Variants in RASEF observed in about 807,000 individuals in gnomAD.
RASEF encodes the protein ras and EF-hand domain-containing protein.
A neutral mutation model predicts 90.1 loss-of-function variants in RASEF; 68 were observed. The ratio of observed to expected loss-of-function variants is 0.75; its 90% confidence interval spans 0.62 to 0.92. RASEF has a LOEUF of 0.92. Among genes scored for constraint, RASEF ranks in the 40% least tolerant of loss-of-function variants. The probability of loss-of-function intolerance (pLI) is 0.00; values close to 1 mark genes in which losing one functional copy is unlikely to be tolerated. For missense variants in RASEF, 949 were observed against 937.2 expected (o/e 1.01, Z -0.16); for synonymous variants, 331 against 345.2 (o/e 0.96, Z 0.46).
At chr9:83,082,365 G>A in the RASEF span, among the ~76,000 whole-genome samples, 201 of 152,268 alleles carry the variant, frequency 1.3e-3, no homozygotes, top group Non-Finnish European at 2.6e-3. Flanking sequence ...GGTTCTAGCT[G>A]AATAACAACG....
the RASEF span, among the ~76,000 whole-genome samples, chr9:83,145,047 AG>A: frequency 6.6e-6 from 1 of 152,190 alleles, no homozygotes; most frequent in Admixed American, 6.6e-5. Context: ...TTGTTTAAAA[AG>A]TTTTTTAATT....
intron 1 of RASEF, chr9:83,048,913 G>A: frequency 3.8e-6 from 1 of 262,564 alleles, no homozygotes; most frequent in South Asian, 1.4e-4. Flanking sequence ...CGGATCACCT[G>A]AGTCCAGGAG....
rs1417601834 is a variant in RASEF at position 82,998,459 on chromosome 9, G to A, written c.1724-13C>T. 6.5e-7 allele frequency: 1 copy of A among 1,536,440 alleles called. No homozygotes were observed. The highest frequency in any genetic ancestry group is 9.0e-7 in the Non-Finnish European group (1 of 1,109,520). On this transcript the variant is annotated splice_polypyrimidine_tract_variant and intron_variant, in intron 12 of 16. Coordinates refer to ENST00000376447, the MANE Select transcript of RASEF (RefSeq NM_152573.4). ...TGGAAATCAACTCCTGAAAAGGAAT[G>A]TGAGAGTGGAGAGCACGATGTAAAT...
chr9:83,130,842 G>C, the RASEF span, among the ~76,000 whole-genome samples: 6 of 152,292 alleles, frequency 3.9e-5, no homozygotes, highest in South Asian at 1.2e-3. Flanking sequence ...CAAATACCCA[G>C]GTTGTCCTAG....
chr9:83,118,690 T>G, the RASEF span, among the ~76,000 whole-genome samples: 1 of 152,188 alleles, frequency 6.6e-6, no homozygotes, highest in African/African-American at 2.4e-5. Flanking sequence ...CTAAGCCATA[T>G]AGTTTCTTAT....
At chr9:83,071,851 A>C in the RASEF span, among the ~76,000 whole-genome samples, 4 of 152,176 alleles carry the variant, frequency 2.6e-5, no homozygotes, top group Non-Finnish European at 5.9e-5. Context: ...TTAAGGATGA[A>C]TATTCAATGA....
At chr9:83,087,405 T>TTCTCTCCCTCTC in the RASEF span, among the ~76,000 whole-genome samples, 1 of 115,532 alleles carries the variant, frequency 8.7e-6, no homozygotes, top group African/African-American at 3.3e-5. Flanking sequence ...TTCTCATTCA[T>TTCTCTCCCTCTC]TCTCTCTCTC....
chr9:83,143,986 A>C, the RASEF span, among the ~76,000 whole-genome samples: 1 of 152,100 alleles, frequency 6.6e-6, no homozygotes, highest in Non-Finnish European at 1.5e-5. Context: ...AAAGAATGAA[A>C]TCCTGTCCTT....
At chr9:83,105,320 G>GA in the RASEF span, among the ~76,000 whole-genome samples, 3 of 151,926 alleles carry the variant, frequency 2.0e-5, no homozygotes, top group African/African-American at 4.8e-5. Flanking sequence ...TGTTAAAAGT[G>GA]AAAAAAATAA....
the RASEF span, among the ~76,000 whole-genome samples, chr9:83,100,587 G>C: frequency 6.6e-6 from 1 of 152,278 alleles, no homozygotes; most frequent in South Asian, 2.1e-4. Context: ...TTTGGAAGGA[G>C]AAGTATACCC....
intron 1 of RASEF, among the ~76,000 whole-genome samples, chr9:83,043,242 T>C (rs191271354): frequency 3.9e-5 from 6 of 152,314 alleles, no homozygotes; most frequent in Admixed American, 3.3e-4. Flanking sequence ...CACTGTGGAA[T>C]AGACTACATC....
At chr9:83,079,662 G>A in the RASEF span, among the ~76,000 whole-genome samples, 2 of 151,936 alleles carry the variant, frequency 1.3e-5, no homozygotes, top group Non-Finnish European at 2.9e-5. Context: ...ACAGCCTTGC[G>A]ATATGATGAT....
chr9:83,142,527 G>A, the RASEF span, among the ~76,000 whole-genome samples: 3 of 152,188 alleles, frequency 2.0e-5, no homozygotes, highest in Admixed American at 6.5e-5. Flanking sequence ...TATCTTCAGT[G>A]ACAGGCAAGT....
the RASEF span, among the ~76,000 whole-genome samples, chr9:83,093,265 G>A: frequency 6.6e-6 from 1 of 152,244 alleles, no homozygotes; most frequent in South Asian, 2.1e-4. Flanking sequence ...GGCTGCAGGT[G>A]GAGCTGCCTG....
intron 3 of RASEF, among the ~76,000 whole-genome samples, chr9:83,017,101 A>G (rs1306341028): frequency 6.6e-6 from 1 of 152,156 alleles, no homozygotes; most frequent in East Asian, 1.9e-4. Context: ...CTAATGAGGC[A>G]GCCTTCCTGG....
the RASEF span, among the ~76,000 whole-genome samples, chr9:83,217,161 T>C: frequency 1.3e-5 from 2 of 152,084 alleles, no homozygotes; most frequent in Non-Finnish European, 2.9e-5. Flanking sequence ...GGCCAGTTTC[T>C]CCCATTTGGA....
chr9:83,017,779 T>C (rs1000884307), intron 3 of RASEF, among the ~76,000 whole-genome samples: 1 of 152,166 alleles, frequency 6.6e-6, no homozygotes, highest in African/African-American at 2.4e-5. Context: ...CTTCCACATA[T>C]GAATGCAAAA....
At chr9:83,103,768 T>A in the RASEF span, among the ~76,000 whole-genome samples, 1 of 152,224 alleles carries the variant, frequency 6.6e-6, no homozygotes, top group Non-Finnish European at 1.5e-5. Context: ...ACCCCTGGAT[T>A]GCTAAGATGC....
chr9:83,122,113 G>C, the RASEF span, among the ~76,000 whole-genome samples: 2 of 152,116 alleles, frequency 1.3e-5, no homozygotes, highest in Non-Finnish European at 2.9e-5. Context: ...GCAAATTTTG[G>C]TGAGGTGCCT....
Sources: gnomAD v4.1 joint callset for allele counts (sites outside exome capture counted in the v4.1 genomes callset) on GRCh38, gnomAD v4.1.1 for gene constraint, MANE v1.5 for transcripts, NCBI Gene and HGNC (gene_info 2026-07-23, HGNC 2026-07-21) for gene names.